The following FGF10 variants were observed in gnomAD, a reference collection of about 807,000 sequenced individuals.
The protein encoded by FGF10 is FGF-10.
Under a neutral mutation model 19.8 loss-of-function variants are expected in FGF10, and 2 were observed. The ratio of observed to expected loss-of-function variants is 0.10; its 90% CI spans 0.04 to 0.32. FGF10 has a LOEUF of 0.32. Among genes scored for constraint, FGF10 ranks in the 10% least tolerant of loss-of-function variants. The probability of loss-of-function intolerance (pLI) is 1.00; values close to 1 mark genes in which losing one functional copy is unlikely to be tolerated. For missense variants in FGF10, 191 were observed against 246.3 expected (o/e 0.78, Z 1.50); for synonymous variants, 112 against 94.0 (o/e 1.19, Z -1.10).
At chr5:44,313,232 G>A (rs1740253157) in intron 1 of FGF10, among the ~76,000 whole-genome samples, 1 of 152,042 alleles carries the variant, frequency 6.6e-6, no homozygotes, top group South Asian at 2.1e-4. Context: ...TGTGAGTAAT[G>A]GACAATGACT....
intron 1 of FGF10, among the ~76,000 whole-genome samples, chr5:44,380,576 G>T (rs1004311140): frequency 2.6e-5 from 4 of 152,162 alleles, no homozygotes; most frequent in Non-Finnish European, 5.9e-5. Context: ...TTTGACAGGG[G>T]TACACAGAGA....
chr5:44,346,069 T>C (rs1168329109), intron 1 of FGF10, among the ~76,000 whole-genome samples: 5 of 151,836 alleles, frequency 3.3e-5, no homozygotes, highest in African/African-American at 4.8e-5. Context: ...AGTGATCTTA[T>C]CTCCAAAATT....
chr5:44,377,218 C>T (rs1741887225), intron 1 of FGF10, among the ~76,000 whole-genome samples: 1 of 152,222 alleles, frequency 6.6e-6, no homozygotes, highest in Non-Finnish European at 1.5e-5. Context: ...ATCTCTCCCT[C>T]AGTTAGAGAC....
At chr5:44,331,280 A>G (rs1403844606) in intron 1 of FGF10, among the ~76,000 whole-genome samples, 1 of 152,086 alleles carries the variant, frequency 6.6e-6, no homozygotes, top group African/African-American at 2.4e-5. Flanking sequence ...GACTTTGCTT[A>G]TTACATTTTT....
chr5:44,368,257 CAATT>C lies in FGF10; in HGVS notation c.325+20097_325+20100del, dbSNP rs1376908828. ...TAATAGGGGAAAATATATAATAAGA[CAATT>C]GATGGATGGCATTTTTCAATGAGTA... On this transcript the variant is annotated intron_variant, in intron 1 of 2. Transcript: ENST00000264664. Among the ~76,000 whole-genome samples the C allele has an allele frequency of 9.2e-5, 14 of 152,058 alleles. No individual in the cohort carries two copies. In the East Asian group the frequency reaches 1.4e-3, roughly 15 times the overall value.
chr5:44,346,797 A>C lies in FGF10; in HGVS notation c.326-36267T>G, dbSNP rs541344084. 2.6e-5 allele frequency among the ~76,000 whole-genome samples: 4 copies of C among 151,992 alleles called. No homozygotes were observed. In the South Asian group the frequency reaches 8.3e-4, roughly 32 times the overall value. On this transcript the variant is annotated intron_variant, in intron 1 of 2. Coordinates refer to ENST00000264664, the MANE Select transcript of FGF10 (RefSeq NM_004465.2). ...TCCAATATGTGAGTGTTGAGCATTT[A>C]AAATATGACTAATAATATTGAGAAA...
In FGF10 at chr5:44,304,954, A is replaced by C; in HGVS notation, c.*41T>G. 2 of 1,578,760 alleles carry C rather than the reference A, an allele frequency of 1.3e-6. No individual in the cohort carries two copies. Among genetic ancestry groups the C allele is most frequent in the Non-Finnish European group, 1.7e-6 (2 of 1,148,102 alleles). ...AAGAATATCCACTATTCTTGGCAAA[A>C]GAGCCATTGGTTCTACTGCATCCAC... On this transcript the variant is annotated 3_prime_UTR_variant, in exon 3 of 3. Transcript: ENST00000264664.
chr5:44,346,144 C>T (rs1741084770), intron 1 of FGF10, among the ~76,000 whole-genome samples: 1 of 151,620 alleles, frequency 6.6e-6, no homozygotes, highest in South Asian at 2.1e-4. Context: ...AAAACAACAC[C>T]ACTTACTCTT....
At chr5:44,364,601 G>T (rs1241234923) in intron 1 of FGF10, among the ~76,000 whole-genome samples, 1 of 151,830 alleles carries the variant, frequency 6.6e-6, no homozygotes, top group Non-Finnish European at 1.5e-5. Context: ...ATATGATAGT[G>T]CAGTGGAAAG....
At chr5:44,385,312 C>T (rs954812648) in intron 1 of FGF10, among the ~76,000 whole-genome samples, 3 of 152,072 alleles carry the variant, frequency 2.0e-5, no homozygotes, top group Non-Finnish European at 4.4e-5. Context: ...GCTTTGTTAA[C>T]GCATGTAGTC....
rs1225998924 is a variant in FGF10, at chr5:44,310,492, C to T, written c.364G>A (p.Ala122Thr). ...EITSVEIGVV[A>T]VKAINSNYYL... ...TAGTTGCTGTTAATGGCTTTGACGGCAACAACTCCGATTTCTACTGATGTT... is the reference window on the plus strand; with the variant it reads ...TAGTTGCTGTTAATGGCTTTGACGGTAACAACTCCGATTTCTACTGATGTT... Residue 122 changes from alanine to threonine, a missense_variant, in exon 2 of 3, where the codon GCC (alanine) becomes ACC (threonine). Around this residue, in one of 2 missense-constraint regions of FGF10, gnomAD observed 99 missense variants for 161.7 expected, o/e 0.61. Transcript: ENST00000264664. The T allele has an allele frequency of 1.9e-6, 3 of 1,612,466 alleles. No individual in the cohort carries two copies. The Admixed American group carries it at 5.0e-5, about 27-fold the overall frequency.
intron 1 of FGF10, among the ~76,000 whole-genome samples, chr5:44,329,267 C>A (rs952087380): frequency 6.6e-6 from 1 of 152,104 alleles, no homozygotes; most frequent in Non-Finnish European, 1.5e-5. Context: ...ACCTCTGCCT[C>A]CCGAGTTCAA....
intron 1 of FGF10, among the ~76,000 whole-genome samples, chr5:44,352,732 G>C (rs80239804): frequency 6.6e-6 from 1 of 151,580 alleles, no homozygotes; most frequent in African/African-American, 2.4e-5. Context: ...TACCTGAGAA[G>C]CTCTCATTAC....
At chr5:44,319,670 TC>T (rs1336331680) in intron 1 of FGF10, among the ~76,000 whole-genome samples, 3 of 152,210 alleles carry the variant, frequency 2.0e-5, no homozygotes, top group African/African-American at 4.8e-5. Flanking sequence ...AAAGATTATT[TC>T]CATGATTACT....
At chr5:44,370,911 T>C (rs1047305609) in intron 1 of FGF10, among the ~76,000 whole-genome samples, 4 of 152,092 alleles carry the variant, frequency 2.6e-5, no homozygotes, top group Admixed American at 6.6e-5. Context: ...AATCTACACA[T>C]AGTGAGAGAA....
intron 1 of FGF10, among the ~76,000 whole-genome samples, chr5:44,347,931 G>A (rs1741124415): frequency 6.6e-6 from 1 of 151,502 alleles, no homozygotes; most frequent in Admixed American, 6.6e-5. Context: ...TTTATGTTGG[G>A]AACATGCTAT....
intron 1 of FGF10, among the ~76,000 whole-genome samples, chr5:44,368,462 CA>C (rs1741669690): frequency 6.6e-6 from 1 of 152,018 alleles, no homozygotes; most frequent in South Asian, 2.1e-4. Context: ...GTGAAAAACC[CA>C]ACCACACTAC....
intron 1 of FGF10, among the ~76,000 whole-genome samples, chr5:44,332,546 G>T (rs1485609607): frequency 1.3e-5 from 2 of 152,084 alleles, no homozygotes; most frequent in African/African-American, 4.8e-5. Context: ...AATGCCAGTG[G>T]TACATATGTC....
chr5:44,373,396 T>A (rs1741786328), intron 1 of FGF10, among the ~76,000 whole-genome samples: 1 of 152,140 alleles, frequency 6.6e-6, no homozygotes, highest in South Asian at 2.1e-4. Flanking sequence ...AATCATCAAG[T>A]GCTATTTTGA....
Sources: gnomAD v4.1 joint callset for allele counts (sites outside exome capture counted in the v4.1 genomes callset) on GRCh38, gnomAD v4.1.1 for gene constraint, gnomAD v4.1.1 regional missense constraint, MANE v1.5 for transcripts, NCBI Gene and HGNC (gene_info 2026-07-23, HGNC 2026-07-21) for gene names.